Variants in SV2C observed in about 807,000 individuals in gnomAD.
SV2C encodes synaptic vesicle glycoprotein 2C, also known as solute carrier family 22 member B3.
Under a neutral mutation model 79.7 loss-of-function variants are expected in SV2C, and 49 were observed. That is an observed-to-expected ratio of 0.61 (90% CI 0.49 to 0.78). The LOEUF is 0.78. Ranked by LOEUF, SV2C falls within the 30% of genes least tolerant of loss-of-function variation. The pLI is 0.00. For missense variants in SV2C, 833 were observed against 912.9 expected, an observed-to-expected ratio of 0.91 and a Z score of 1.13; for synonymous variants, 334 against 333.2, an observed-to-expected ratio of 1.00 and a Z score of -0.03.
chr5:75,854,979 C>G, the SV2C span, among the ~76,000 whole-genome samples: 1 of 152,278 alleles, frequency 6.6e-6, no homozygotes, highest in African/African-American at 2.4e-5. Flanking sequence ...TTCCACTGAT[C>G]TATATGTCTA....
intron 1 of SV2C, among the ~76,000 whole-genome samples, chr5:76,101,442 A>G (rs894378084): frequency 2.6e-5 from 4 of 152,122 alleles, no homozygotes; most frequent in East Asian, 1.9e-4. Flanking sequence ...TGGCTAGCCC[A>G]TATGTATTTA....
chr5:75,851,151 A>G, the SV2C span, among the ~76,000 whole-genome samples: 4 of 152,252 alleles, frequency 2.6e-5, no homozygotes, highest in East Asian at 7.7e-4. Context: ...AGCTTCAGCT[A>G]CACGGGATGA....
chr5:75,925,750 T>TA, the SV2C span, among the ~76,000 whole-genome samples: 1 of 123,546 alleles, frequency 8.1e-6, no homozygotes, highest in African/African-American at 3.9e-5. Flanking sequence ...AAGATTTTTT[T>TA]AAAAAACAAA....
the SV2C span, among the ~76,000 whole-genome samples, chr5:75,981,724 G>A: frequency 6.6e-6 from 1 of 151,996 alleles, no homozygotes; most frequent in African/African-American, 2.4e-5. Flanking sequence ...AACTCAAGAT[G>A]GATTAAAGAC....
At chr5:76,245,533 T>G (rs1322147363) in intron 4 of SV2C, among the ~76,000 whole-genome samples, 2 of 152,164 alleles carry the variant, frequency 1.3e-5, no homozygotes, top group East Asian at 3.8e-4. Flanking sequence ...GCTCAATACT[T>G]TTTTTATAAG....
chr5:76,063,762 A>C, the SV2C span, among the ~76,000 whole-genome samples: 1 of 152,154 alleles, frequency 6.6e-6, no homozygotes, highest in Non-Finnish European at 1.5e-5. Context: ...TGAAACATGT[A>C]ATAAGATTTT....
the SV2C span, among the ~76,000 whole-genome samples, chr5:75,926,767 T>G: frequency 9.2e-5 from 14 of 152,182 alleles, no homozygotes; most frequent in African/African-American, 3.1e-4. Context: ...ACAAAATCCT[T>G]TGGTAAACAC....
At chr5:76,269,583 C>G (rs1746778047) in intron 4 of SV2C, among the ~76,000 whole-genome samples, 1 of 152,298 alleles carries the variant, frequency 6.6e-6, no homozygotes. Flanking sequence ...CTGCTGTAGT[C>G]TGCAATTGGT....
At chr5:76,298,633 AAG>A (rs1373788588) in intron 9 of SV2C, among the ~76,000 whole-genome samples, 159 bp from the exon 10 acceptor site, 2 of 152,184 alleles carry the variant, frequency 1.3e-5, no homozygotes, top group Non-Finnish European at 2.9e-5. Flanking sequence ...GGATGAGAAA[AAG>A]GGGAAAAAGC....
At chr5:76,350,261 A>G (rs1178579735) in intron 12 of SV2C, among the ~76,000 whole-genome samples, 1 of 152,192 alleles carries the variant, frequency 6.6e-6, no homozygotes, top group African/African-American at 2.4e-5. Flanking sequence ...TCTGTCTGCC[A>G]TGACTTACCT....
At chr5:76,342,305 A>C (rs1417103889) in intron 12 of SV2C, among the ~76,000 whole-genome samples, 2 of 152,214 alleles carry the variant, frequency 1.3e-5, no homozygotes. Context: ...CAGGCACAGA[A>C]TGTTTGTCCA....
the SV2C span, among the ~76,000 whole-genome samples, chr5:75,971,009 G>C: frequency 1.3e-5 from 2 of 152,072 alleles, no homozygotes; most frequent in African/African-American, 2.4e-5. Context: ...GGGATGCAAG[G>C]CTTGTTCAAC....
chr5:75,898,855 T>C, the SV2C span, among the ~76,000 whole-genome samples: 1 of 152,262 alleles, frequency 6.6e-6, no homozygotes, highest in African/African-American at 2.4e-5. Flanking sequence ...TTGATTTGCG[T>C]AGAGGTGTTT....
At chr5:76,030,289 T>TTTTTTTTTTTTTTTTTTA in the SV2C span, among the ~76,000 whole-genome samples, 3 of 117,872 alleles carry the variant, frequency 2.5e-5, no homozygotes, top group Admixed American at 8.4e-5. Flanking sequence ...TTTTTTTTTT[T>TTTTTTTTTTTTTTTTTTA]TTTATTTATT....
chr5:76,200,261 T>TCCCACATTGGTACAGAATC (rs1224590808), intron 3 of SV2C, among the ~76,000 whole-genome samples: 1 of 152,166 alleles, frequency 6.6e-6, no homozygotes, highest in East Asian at 1.9e-4. Flanking sequence ...CTGGCAGAAT[T>TCCCACATTGGTACAGAATC]CCCACATTGG....
the SV2C span, among the ~76,000 whole-genome samples, chr5:75,901,380 G>A: frequency 6.6e-6 from 1 of 152,214 alleles, no homozygotes; most frequent in Non-Finnish European, 1.5e-5. Flanking sequence ...GGTATCAGCA[G>A]TGGTGGCTGC....
the SV2C span, among the ~76,000 whole-genome samples, chr5:76,037,293 T>G: frequency 6.6e-6 from 1 of 152,268 alleles, no homozygotes; most frequent in African/African-American, 2.4e-5. Flanking sequence ...GGTGAGGAAC[T>G]TCGTTCCTTT....
the SV2C span, among the ~76,000 whole-genome samples, chr5:76,009,246 A>G: frequency 6.6e-6 from 1 of 152,202 alleles, no homozygotes; most frequent in Non-Finnish European, 1.5e-5. Context: ...GCTATTACTA[A>G]AAAGTCTAAA....
rs1309388047 is a variant in SV2C, at chr5:76,285,350, C to A, written c.1047+55C>A. Reference sequence around the variant, plus strand: ...AGCCCACCTCTATTGGAAAAAGTTCCTTGTTAATTCTAGGAAAGCACATTT... The same window carrying A: ...AGCCCACCTCTATTGGAAAAAGTTCATTGTTAATTCTAGGAAAGCACATTT... On this transcript the variant is annotated intron_variant, in intron 5 of 12. Coordinates refer to ENST00000502798, the MANE Select transcript of SV2C (RefSeq NM_014979.4). 5 of 1,598,524 alleles carry A rather than the reference C, an allele frequency of 3.1e-6. No homozygotes were observed. In the Admixed American group the frequency reaches 8.6e-5, roughly 27 times the overall value.
Sources: allele counts gnomAD v4.1 joint callset (sites outside exome capture counted in the v4.1 genomes callset), GRCh38; gene constraint gnomAD v4.1.1; transcripts MANE v1.5; gene names NCBI Gene and HGNC (gene_info 2026-07-23, HGNC 2026-07-21).